The following DTNB variants were observed in gnomAD, a reference collection of about 807,000 sequenced individuals.
DTNB encodes the protein DTN-B.
DTNB carries 63 observed loss-of-function variants against 90.7 expected under a neutral mutation model. The observed-to-expected ratio is 0.69, with a 90% CI of 0.57 to 0.86. DTNB has a LOEUF of 0.86. DTNB is among the 40% of genes least tolerant of loss of function. The pLI, the probability that DTNB is intolerant of heterozygous loss-of-function variation, is 0.00. For synonymous variants in DTNB, 277 were observed against 286.7 expected, an observed-to-expected ratio of 0.97 and a Z score of 0.34; for missense variants, 744 against 807.1, an observed-to-expected ratio of 0.92 and a Z score of 0.95.
chr2:25,378,389 TGCAGGGGCCCCGGGGGAGCGG>T (rs2036477852), intron 20 of DTNB, among the ~76,000 whole-genome samples: 1 of 152,164 alleles, frequency 6.6e-6, no homozygotes, highest in South Asian at 2.1e-4. Context: ...AGGCCGAGGC[TGCAGGGGCCCCGGGGGAGCGG>T]GCAGAGGCCT....
At chr2:25,412,329 G>T (rs1252636223) in intron 16 of DTNB, among the ~76,000 whole-genome samples, 2 of 152,164 alleles carry the variant, frequency 1.3e-5, no homozygotes, top group Non-Finnish European at 2.9e-5. Flanking sequence ...ATGATGGCAA[G>T]ATCCCACGTG....
rs112122547 is a variant in DTNB at position 25,624,297 on chromosome 2, C to T, written c.362+3874G>A. ...GTATAAAAGCAAGCTGTGCTCTGAC[C>T]ACCTTGGGCACACATTGTCAGGACC... On this transcript the variant is annotated intron_variant, in intron 4 of 20. Coordinates refer to ENST00000406818, the MANE Select transcript of DTNB (RefSeq NM_021907.5). 3.1e-3 allele frequency among the ~76,000 whole-genome samples: 466 copies of T among 152,280 alleles called. 2 individuals are homozygous for T. Among genetic ancestry groups the T allele is most frequent in the African/African-American group, 0.011 (444 of 41,542 alleles).
intron 12 of DTNB, among the ~76,000 whole-genome samples, chr2:25,434,301 CT>C (rs1313585753): frequency 6.6e-6 from 1 of 151,634 alleles, no homozygotes; most frequent in Non-Finnish European, 1.5e-5. Flanking sequence ...ATAGTTCTGC[CT>C]TTTCTAGAAA....
intron 15 of DTNB, among the ~76,000 whole-genome samples, chr2:25,422,268 A>T (rs532584244): frequency 6.6e-6 from 1 of 152,214 alleles, no homozygotes; most frequent in Non-Finnish European, 1.5e-5. Flanking sequence ...GGCCAAAGCA[A>T]TGACATAGCC....
At chr2:25,627,119 G>T (rs1190379198) in intron 4 of DTNB, among the ~76,000 whole-genome samples, 1 of 152,160 alleles carries the variant, frequency 6.6e-6, no homozygotes, top group East Asian at 1.9e-4. Context: ...GACATAAAGA[G>T]AAAATCTGTT....
In DTNB at chr2:25,461,796, T is replaced by C. The variant is rs576207014; in HGVS notation, c.1080-6302A>G. 6.6e-5 allele frequency among the ~76,000 whole-genome samples: 10 copies of C among 152,278 alleles called. 1 individual carries two copies. In the East Asian group the frequency reaches 1.9e-3, roughly 29 times the overall value. On this transcript the variant is annotated intron_variant, in intron 10 of 20. Transcript: ENST00000406818. Reference sequence around the variant, plus strand: ...AATAAACGTAAACTTGCAAATGTAGTAAGTGTTTTGATGAGCGGGGACACT... The same window carrying C: ...AATAAACGTAAACTTGCAAATGTAGCAAGTGTTTTGATGAGCGGGGACACT...
intron 1 of DTNB, among the ~76,000 whole-genome samples, chr2:25,668,446 C>A (rs2085026548): frequency 6.6e-6 from 1 of 152,138 alleles, no homozygotes; most frequent in Non-Finnish European, 1.5e-5. Flanking sequence ...GAGTATTTTA[C>A]AAGTGAGCCC....
chr2:25,412,629 TTAGA>T (rs1243582007), intron 16 of DTNB, among the ~76,000 whole-genome samples: 2 of 152,238 alleles, frequency 1.3e-5, no homozygotes, highest in African/African-American at 4.8e-5. Flanking sequence ...ATGATCATTA[TTAGA>T]TAATTAACTT....
intron 9 of DTNB, chr2:25,497,510 G>A (rs1307991749): frequency 1.3e-5 from 2 of 152,238 alleles, no homozygotes; most frequent in South Asian, 2.1e-4. Flanking sequence ...GAACCAGTAA[G>A]GCTTGAGTTT....
Position 25,628,061 on chromosome 2 carries a change from C to CT in DTNB, c.362+109dup. 2.6e-6 allele frequency: 3 copies of CT among 1,174,764 alleles called. No individual in the cohort carries two copies. In the South Asian group the frequency reaches 4.2e-5, roughly 17 times the overall value. The allele number at this position is 1,174,764 out of a possible 1,614,324, so 72.8% of individuals were successfully genotyped here. On this transcript the variant is annotated intron_variant, in intron 4 of 20. Coordinates refer to ENST00000406818, the MANE Select transcript of DTNB (RefSeq NM_021907.5). ...AATAATTTCCCTTTTAATCATGATTCTAAGTTGCCAGCTTAGCAAGGCAAC... is the reference window on the plus strand; with the variant it reads ...AATAATTTCCCTTTTAATCATGATTCTTAAGTTGCCAGCTTAGCAAGGCAAC...
chr2:25,591,602 T>C (rs2063587752), intron 6 of DTNB, among the ~76,000 whole-genome samples: 1 of 152,206 alleles, frequency 6.6e-6, no homozygotes, highest in Admixed American at 6.5e-5. Flanking sequence ...TTGTAAACTC[T>C]GAAGAATGTT....
chr2:25,429,147 A>G (rs969219047), intron 14 of DTNB, among the ~76,000 whole-genome samples: 2 of 152,354 alleles, frequency 1.3e-5, no homozygotes, highest in Admixed American at 6.5e-5. Flanking sequence ...TGGAATTCAA[A>G]GACTTAGTGC....
intron 16 of DTNB, among the ~76,000 whole-genome samples, chr2:25,388,791 G>C (rs747954317): frequency 1.5e-4 from 22 of 148,570 alleles, no homozygotes; most frequent in Non-Finnish European, 2.5e-4. Context: ...CAACCTGTGA[G>C]TGGAAAGGAC....
At chr2:25,663,358 T>G (rs2083665133) in intron 1 of DTNB, among the ~76,000 whole-genome samples, 1 of 152,192 alleles carries the variant, frequency 6.6e-6, no homozygotes, top group Non-Finnish European at 1.5e-5. Context: ...TTGTAAATAG[T>G]GCTGCAATAA....
At chr2:25,620,375 G>A (rs1296440827) in intron 4 of DTNB, among the ~76,000 whole-genome samples, 2 of 152,184 alleles carry the variant, frequency 1.3e-5, no homozygotes, top group Non-Finnish European at 2.9e-5. Context: ...TAATTTCGAA[G>A]TGAGGTACTG....
chr2:25,385,004 G>C (rs533249487), intron 18 of DTNB, among the ~76,000 whole-genome samples: 1 of 151,510 alleles, frequency 6.6e-6, no homozygotes, highest in Non-Finnish European at 1.5e-5. Flanking sequence ...TCAGCCTCCC[G>C]AGTAGCTGGG....
At chr2:25,672,040 C>T (rs2086037963) in intron 1 of DTNB, among the ~76,000 whole-genome samples, 1 of 151,892 alleles carries the variant, frequency 6.6e-6, no homozygotes, top group Non-Finnish European at 1.5e-5. Flanking sequence ...GGAGAAGGAA[C>T]AAAATGGGAT....
At chr2:25,632,179 C>G (rs374344774) in intron 3 of DTNB, among the ~76,000 whole-genome samples, 4 of 118,316 alleles carry the variant, frequency 3.4e-5, no homozygotes, top group Non-Finnish European at 6.6e-5. Flanking sequence ...GGCCACAGAA[C>G]GTGACTCTGT....
At chr2:25,471,184 G>C (rs550824800) in intron 10 of DTNB, among the ~76,000 whole-genome samples, 5 of 152,174 alleles carry the variant, frequency 3.3e-5, no homozygotes, top group African/African-American at 9.7e-5. Context: ...GACATGCCAG[G>C]CTCTATAGGT....
Sources: gnomAD v4.1 joint callset for allele counts (sites outside exome capture counted in the v4.1 genomes callset) on GRCh38, gnomAD v4.1.1 for gene constraint, MANE v1.5 for transcripts, NCBI Gene and HGNC (gene_info 2026-07-23, HGNC 2026-07-21) for gene names.